GLUD2: variants seen among roughly 807,000 people sequenced by gnomAD.
GLUD2 encodes glutamate dehydrogenase 2, mitochondrial.
GLUD2 carries 11 observed loss-of-function variants against 16.2 expected under a neutral mutation model. That is an observed-to-expected ratio of 0.68 (90% CI 0.43 to 1.13). GLUD2 has a LOEUF of 1.13. Ranked by LOEUF, GLUD2 falls within the 50% of genes most tolerant of loss-of-function variation. GLUD2 has a pLI of 0.00. For missense variants in GLUD2, 360 were observed against 456.4 expected (o/e 0.79, Z 1.93); for synonymous variants, 147 against 181.9 (o/e 0.81, Z 1.55).
In GLUD2 at chrX:121,047,819, C is replaced by A; in HGVS notation, c.135C>A (p.Leu45=). 1 of 1,208,673 alleles carries A rather than the reference C, an allele frequency of 8.3e-7. No individual in the cohort carries two copies. Among genetic ancestry groups the A allele is most frequent in the Admixed American group, 2.2e-5 (1 of 46,051 alleles). ...GQPAAASQPG[L]ALAARRHYSE... Reference sequence around the variant, plus strand: ...CCGCCGCCGCCTCGCAGCCGGGGCTCGCATTGGCCGCCCGGCGCCACTACA... The same window carrying A: ...CCGCCGCCGCCTCGCAGCCGGGGCTAGCATTGGCCGCCCGGCGCCACTACA... The change falls in exon 1 of 1, where the codon CTC becomes CTA. Residue 45 remains leucine, a synonymous_variant. Transcript: ENST00000328078.
rs749203569 is a variant in GLUD2, at chrX:121,047,653, G to C, written c.-32G>C. 2 of 969,145 alleles carry C rather than the reference G, an allele frequency of 2.1e-6. No individual in the cohort carries two copies. The highest frequency in any genetic ancestry group is 6.4e-5 in the South Asian group (2 of 31,284). The allele number at this position is 969,145 out of a possible 1,213,427, so 79.9% of individuals were successfully genotyped here. ...GTCTGAGAAAGCGCACCTGTTCCGC[G>C]ACCGTCACGCACCCCTCCTCCGCCT... On this transcript the variant is annotated 5_prime_UTR_variant, in exon 1 of 1. Coordinates refer to ENST00000328078, the MANE Select transcript of GLUD2 (RefSeq NM_012084.4).
Position 121,047,689 on chromosome X carries a change from A to G in GLUD2, c.5A>G (p.Tyr2Cys). 9.2e-7 allele frequency: 1 copy of G among 1,086,459 alleles called. No individual in the cohort carries two copies. Among genetic ancestry groups the G allele is most frequent in the Non-Finnish European group, 1.2e-6 (1 of 830,330 alleles). 89.5% of individuals were successfully genotyped at this position (1,086,459 alleles called of 1,213,427 possible). A position where few individuals can be genotyped will look rare whatever the true frequency, so the allele number is the denominator to read the frequency against. Residue 2 changes from tyrosine (Y) to cysteine (C), a missense_variant, in exon 1 of 1, where the codon TAC (tyrosine) becomes TGC (cysteine). By Grantham distance (194) the Tyr-to-Cys change is radical. This residue lies in a region of GLUD2 where 58 missense variants were observed against 49.9 expected (regional missense o/e 1.16). Transcript: ENST00000328078. M[Y>C]RYLAKALLPS... ...ACCCCTCCTCCGCCTGCCGCGATGT[A>G]CCGCTACCTGGCCAAAGCGCTGCTG...
Position 121,048,898 on chromosome X carries a change from C to T in GLUD2, c.1214C>T (p.Ala405Val), listed in dbSNP as rs528945731. 3 of 1,211,384 alleles carry T rather than the reference C, an allele frequency of 2.5e-6. No individual in the cohort carries two copies. The highest frequency in any genetic ancestry group is 1.7e-5 in the African/African-American group (1 of 57,726). ...RVKAKIIAEG[A>V]NGPTTPEADK... is the part of the protein sequence containing the mutation. ...AAAGCCAAGATCATTGCTGAAGGTG[C>T]CAATGGGCCAACAACTCCAGAAGCT... is the stretch of plus-strand genomic sequence containing the variant. The change falls in exon 1 of 1, where the codon GCC (alanine) becomes GTC (valine). Residue 405 changes from alanine to valine, a missense_variant. Physicochemically the swap from Ala to Val is moderately conservative, Grantham distance 64 (BLOSUM62 0). Transcript: ENST00000328078.
chrX:121,049,995 A>C lies in GLUD2; in HGVS notation c.*634A>C, dbSNP rs1011837503. 6 of 123,907 alleles carry C rather than the reference A, an allele frequency of 4.8e-5. No homozygotes were observed. Among genetic ancestry groups the C allele is most frequent in the East Asian group, 2.8e-4 (1 of 3,604 alleles). The allele number at this position is 123,907 out of a possible 1,213,427, so 10.2% of individuals were successfully genotyped here. ...CTATAAAAATAATAAATGAAAAAAAACAGTATTTTTATATCATAAAAGTTT... is the reference window on the plus strand; with the variant it reads ...CTATAAAAATAATAAATGAAAAAAACCAGTATTTTTATATCATAAAAGTTT... On this transcript the variant is annotated 3_prime_UTR_variant, in exon 1 of 1. Transcript: ENST00000328078.
chrX:121,048,913 C>T lies in GLUD2; in HGVS notation c.1229C>T (p.Thr410Ile), dbSNP rs143551986. 2 of 1,210,128 alleles carry T rather than the reference C, an allele frequency of 1.7e-6. No individual in the cohort carries two copies. The highest frequency in any genetic ancestry group is 3.5e-5 in the African/African-American group (2 of 57,174). The change falls in exon 1 of 1, where the codon ACT (threonine) becomes ATT (isoleucine). Residue 410 changes from threonine (T) to isoleucine (I), a missense_variant. Coordinates refer to ENST00000328078, the MANE Select transcript of GLUD2 (RefSeq NM_012084.4). ...IIAEGANGPT[T>I]PEADKIFLER... ...GCTGAAGGTGCCAATGGGCCAACAACTCCAGAAGCTGATAAGATCTTCCTG... is the reference window on the plus strand; with the variant it reads ...GCTGAAGGTGCCAATGGGCCAACAATTCCAGAAGCTGATAAGATCTTCCTG...
rs374160903 is a variant in GLUD2, at chrX:121,048,330, G to C, written c.646G>C (p.Gly216Arg). ...TMELAKKGFI[G>R]PGVDVPAPDM... ...GGAGCTAGCAAAGAAGGGCTTTATT[G>C]GTCCTGGCGTTGATGTGCCTGCTCC... is the stretch of plus-strand genomic sequence containing the variant. The change falls in exon 1 of 1, where the codon GGT becomes CGT. Residue 216 changes from glycine to arginine, a missense_variant. By Grantham distance (125) the Gly-to-Arg change is moderately radical. Coordinates refer to ENST00000328078, the MANE Select transcript of GLUD2 (RefSeq NM_012084.4). The C allele has an allele frequency of 8.3e-7, 1 of 1,209,903 alleles. No homozygotes were observed. The highest frequency in any genetic ancestry group is 1.8e-5 in the African/African-American group (1 of 57,047).
In GLUD2 at chrX:121,047,675, G is replaced by A. The variant is rs772903729; in HGVS notation, c.-10G>A. On this transcript the variant is annotated 5_prime_UTR_variant, in exon 1 of 1. Coordinates refer to ENST00000328078, the MANE Select transcript of GLUD2 (RefSeq NM_012084.4). The stretch of plus-strand genomic sequence containing the variant: ...CGCGACCGTCACGCACCCCTCCTCC[G>A]CCTGCCGCGATGTACCGCTACCTGG... The A allele has an allele frequency of 2.2e-5, 23 of 1,059,214 alleles. No homozygotes were observed. The highest frequency in any genetic ancestry group is 2.8e-5 in the Non-Finnish European group (23 of 814,477). 87.3% of individuals were successfully genotyped at this position (1,059,214 alleles called of 1,213,427 possible).
chrX:121,049,835 T>G lies in GLUD2; in HGVS notation c.*474T>G, dbSNP rs1460087586. The G allele has an allele frequency of 7.1e-6, 1 of 141,441 alleles. No homozygotes were observed. Among genetic ancestry groups the G allele is most frequent in the Non-Finnish European group, 1.6e-5 (1 of 64,147 alleles). 11.7% of individuals were successfully genotyped at this position (141,441 alleles called of 1,213,427 possible). ...ATTTTATATCAGCAAAATAACTCAA[T>G]TTTGCAGATTGCAAACAAATATAAA... On this transcript the variant is annotated 3_prime_UTR_variant, in exon 1 of 1. Transcript: ENST00000328078.
chrX:121,047,667 C>G lies in GLUD2; in HGVS notation c.-18C>G. The stretch of plus-strand genomic sequence containing the variant: ...ACCTGTTCCGCGACCGTCACGCACC[C>G]CTCCTCCGCCTGCCGCGATGTACCG... On this transcript the variant is annotated 5_prime_UTR_variant, in exon 1 of 1. Transcript: ENST00000328078. 1 of 1,031,258 alleles carries G rather than the reference C, an allele frequency of 9.7e-7. No homozygotes were observed. Among genetic ancestry groups the G allele is most frequent in the Non-Finnish European group, 1.3e-6 (1 of 794,383 alleles). 85.0% of individuals were successfully genotyped at this position (1,031,258 alleles called of 1,213,427 possible). A position where few individuals can be genotyped will look rare whatever the true frequency, so the allele number is the denominator to read the frequency against.
Position 121,047,783 on chromosome X carries a change from C to G in GLUD2, c.99C>G (p.Gly33=), listed in dbSNP as rs1925380239. The G allele has an allele frequency of 8.5e-7, 1 of 1,182,880 alleles. No individual in the cohort carries two copies. The highest frequency in any genetic ancestry group is 1.8e-5 in the African/African-American group (1 of 56,700). ...ACTCGGCCGCGTTGCTGGGCCGGGG[C>G]CGCGGACAGCCCGCCGCCGCCTCGC... The part of the protein sequence containing the change: ...ANHSAALLGR[G]RGQPAAASQP... The change falls in exon 1 of 1, where the codon GGC becomes GGG. Residue 33 remains glycine, a synonymous_variant. Transcript: ENST00000328078.
chrX:121,048,428 T>A lies in GLUD2; in HGVS notation c.744T>A (p.Asp248Glu), dbSNP rs1602701804. 8.3e-7 allele frequency: 1 copy of A among 1,211,452 alleles called. No homozygotes were observed. The change falls in exon 1 of 1, where the codon GAT becomes GAA. Residue 248 changes from aspartate (D) to glutamate (E), a missense_variant. By Grantham distance (45) the Asp-to-Glu change is conservative (BLOSUM62 2). Coordinates refer to ENST00000328078, the MANE Select transcript of GLUD2 (RefSeq NM_012084.4). ...ATGCCAGCACCATAGGGCACTATGATATTAATGCACACGCCTGTGTTACTG... is the reference window on the plus strand; with the variant it reads ...ATGCCAGCACCATAGGGCACTATGAAATTAATGCACACGCCTGTGTTACTG... ...DTYASTIGHYDINAHACVTGK... is the reference protein window; with the variant it reads ...DTYASTIGHYEINAHACVTGK...
chrX:121,049,265 G>GTGTGCAGGT lies in GLUD2; in HGVS notation c.1582_1583insGTGCAGGTT (p.Lys527_Tyr528insCysAlaGly). The GTGTGCAGGT allele has an allele frequency of 8.3e-7, 1 of 1,211,449 alleles. No homozygotes were observed. The highest frequency in any genetic ancestry group is 1.1e-6 in the Non-Finnish European group (1 of 895,221). ...GGCAAATTATGCACACAGCCATGAA[G>GTGTGCAGGT]TATAACCTGGGATTGGACCTGAGAA... On this transcript the variant is annotated inframe_insertion, in exon 1 of 1. Transcript: ENST00000328078.
At position 121,047,761 on chromosome X, in the gene GLUD2, C is replaced by T. The variant is rs1925378840; in HGVS notation, c.77C>T (p.Ser26Leu). The T allele has an allele frequency of 1.8e-6, 2 of 1,142,658 alleles. No homozygotes were observed. The highest frequency in any genetic ancestry group is 4.2e-5 in the South Asian group (2 of 47,589). The allele number at this position is 1,142,658 out of a possible 1,213,427, so 94.2% of individuals were successfully genotyped here. Residue 26 changes from serine (S) to leucine (L), a missense_variant, in exon 1 of 1, where the codon TCG becomes TTG. Ser to Leu is a moderately radical substitution (Grantham distance 145, BLOSUM62 -2). Transcript: ENST00000328078. Reference sequence around the variant, plus strand: ...GCCCTGGGCTCCGCGGCCAACCACTCGGCCGCGTTGCTGGGCCGGGGCCGC... The same window carrying T: ...GCCCTGGGCTCCGCGGCCAACCACTTGGCCGCGTTGCTGGGCCGGGGCCGC... ...PAALGSAANH[S>L]AALLGRGRGQ...
At position 121,049,472 on chromosome X, in the gene GLUD2, T is replaced by A; in HGVS notation, c.*111T>A. 1.4e-6 allele frequency: 1 copy of A among 700,598 alleles called. No homozygotes were observed. Among genetic ancestry groups the A allele is most frequent in the Non-Finnish European group, 2.3e-6 (1 of 430,764 alleles). The allele number at this position is 700,598 out of a possible 1,213,427, so 57.7% of individuals were successfully genotyped here. On this transcript the variant is annotated 3_prime_UTR_variant, in exon 1 of 1. Transcript: ENST00000328078. Reference sequence around the variant, plus strand: ...CCTTTCTCTCCTGACTCATTACTAATGGATACCATTCTCAACAAGTCAATC... The same window carrying A: ...CCTTTCTCTCCTGACTCATTACTAAAGGATACCATTCTCAACAAGTCAATC...
Position 121,048,027 on chromosome X carries a change from G to A in GLUD2, c.343G>A (p.Val115Met). Reference protein sequence around the residue: ...ILRIIKPCNHVLSLSFPIRRD... With the variant: ...ILRIIKPCNHMLSLSFPIRRD... ...GCGGATCATCAAGCCCTGCAACCAT[G>A]TGCTGAGTCTCTCCTTCCCCATCCG... The change falls in exon 1 of 1, where the codon GTG (valine) becomes ATG (methionine). Residue 115 changes from valine to methionine, a missense_variant. Transcript: ENST00000328078. 1 of 1,211,883 alleles carries A rather than the reference G, an allele frequency of 8.3e-7. No individual in the cohort carries two copies. Among genetic ancestry groups the A allele is most frequent in the South Asian group, 1.8e-5 (1 of 56,988 alleles).
At position 121,049,126 on chromosome X, in the gene GLUD2, A is replaced by G; in HGVS notation, c.1442A>G (p.His481Arg). ...QESLERKFGKHGGTIPIVPTA... is the reference protein window; with the variant it reads ...QESLERKFGKRGGTIPIVPTA... Reference sequence around the variant, plus strand: ...AGTTTAGAAAGAAAATTTGGAAAGCATGGTGGAACTATTCCCATTGTACCC... The same window carrying G: ...AGTTTAGAAAGAAAATTTGGAAAGCGTGGTGGAACTATTCCCATTGTACCC... Residue 481 changes from histidine (H) to arginine (R), a missense_variant, in exon 1 of 1, where the codon CAT becomes CGT. Around this residue, in one of 3 missense-constraint regions of GLUD2, gnomAD observed 279 missense variants for 352.9 expected, o/e 0.79. Transcript: ENST00000328078. 3 of 1,211,971 alleles carry G rather than the reference A, an allele frequency of 2.5e-6. No homozygotes were observed. Among genetic ancestry groups the G allele is most frequent in the South Asian group, 3.5e-5 (2 of 57,003 alleles).
chrX:121,047,807 G>T lies in GLUD2; in HGVS notation c.123G>T (p.Ser41=), dbSNP rs201233913. ...GCCGCGGACAGCCCGCCGCCGCCTCGCAGCCGGGGCTCGCATTGGCCGCCC... is the reference window on the plus strand; with the variant it reads ...GCCGCGGACAGCCCGCCGCCGCCTCTCAGCCGGGGCTCGCATTGGCCGCCC... The part of the protein sequence containing the change: ...GRGRGQPAAA[S]QPGLALAARR... Residue 41 remains serine (S), a synonymous_variant, in exon 1 of 1, where the codon TCG becomes TCT. Coordinates refer to ENST00000328078, the MANE Select transcript of GLUD2 (RefSeq NM_012084.4). 2.0e-5 allele frequency: 24 copies of T among 1,205,287 alleles called. No individual in the cohort carries two copies. In the Admixed American group the frequency reaches 3.1e-4, roughly 15 times the overall value.
Position 121,048,265 on chromosome X carries a change from C to G in GLUD2, c.581C>G (p.Thr194Ser). ...AGVKINPKNY[T>S]ENELEKITRR... ...GTTAAGATCAATCCCAAGAACTATACCGAAAATGAATTGGAAAAGATCACA... is the reference window on the plus strand; with the variant it reads ...GTTAAGATCAATCCCAAGAACTATAGCGAAAATGAATTGGAAAAGATCACA... The change falls in exon 1 of 1, where the codon ACC (threonine) becomes AGC (serine). Residue 194 changes from threonine to serine, a missense_variant. By Grantham distance (58) the Thr-to-Ser change is moderately conservative. This residue lies in a region of GLUD2 where 279 missense variants were observed against 352.9 expected (regional missense o/e 0.79). Transcript: ENST00000328078. 1 of 1,211,431 alleles carries G rather than the reference C, an allele frequency of 8.3e-7. No homozygotes were observed. Among genetic ancestry groups the G allele is most frequent in the Non-Finnish European group, 1.1e-6 (1 of 895,323 alleles).
In GLUD2 at chrX:121,048,598, T is replaced by C. The variant is rs1431649745; in HGVS notation, c.914T>C (p.Val305Ala). The C allele has an allele frequency of 4.1e-6, 5 of 1,211,732 alleles. No individual in the cohort carries two copies. Among genetic ancestry groups the C allele is most frequent in the Non-Finnish European group, 5.6e-6 (5 of 895,437 alleles). Residue 305 changes from valine to alanine, a missense_variant, in exon 1 of 1, where the codon GTT becomes GCT. Physicochemically the swap from Val to Ala is moderately conservative, Grantham distance 64. This residue lies in a region of GLUD2 where 279 missense variants were observed against 352.9 expected (regional missense o/e 0.79). Coordinates refer to ENST00000328078, the MANE Select transcript of GLUD2 (RefSeq NM_012084.4). ...MTPGFRDKTFVVQGFGNVGLH... is the reference protein window; with the variant it reads ...MTPGFRDKTFAVQGFGNVGLH... Reference sequence around the variant, plus strand: ...CCAGGGTTTAGAGATAAAACATTTGTTGTTCAGGGATTTGGTAATGTGGGC... The same window carrying C: ...CCAGGGTTTAGAGATAAAACATTTGCTGTTCAGGGATTTGGTAATGTGGGC...
Sources: gnomAD v4.1 joint callset for allele counts on GRCh38, gnomAD v4.1.1 for gene constraint, gnomAD v4.1.1 regional missense constraint, MANE v1.5 for transcripts, NCBI Gene and HGNC (gene_info 2026-07-23, HGNC 2026-07-21) for gene names.